GSDMC: variants seen among roughly 807,000 people sequenced by gnomAD.
The protein encoded by GSDMC is gasdermin C.
Under a neutral mutation model 58.0 loss-of-function variants are expected in GSDMC, and 59 were observed. That is an observed-to-expected ratio of 1.02 (90% confidence interval 0.82 to 1.26). GSDMC has a LOEUF of 1.26. Ranked by LOEUF, GSDMC falls within the 50% of genes most tolerant of loss-of-function variation. GSDMC has a pLI of 0.00. For missense variants in GSDMC, 659 were observed against 598.5 expected, an observed-to-expected ratio of 1.10 and a Z score of -1.06; for synonymous variants, 241 against 220.2, an observed-to-expected ratio of 1.09 and a Z score of -0.83.
the GSDMC span, among the ~76,000 whole-genome samples, chr8:129,712,561 G>A: frequency 8.5e-5 from 13 of 152,120 alleles, no homozygotes; most frequent in African/African-American, 2.6e-4. Context: ...ACCAAGACCC[G>A]AATCATTGGG....
the GSDMC span, among the ~76,000 whole-genome samples, chr8:129,733,380 AT>A: frequency 6.6e-6 from 1 of 152,198 alleles, no homozygotes; most frequent in African/African-American, 2.4e-5. Flanking sequence ...CCTGACCCCC[AT>A]GTAGCCTAAC....
intron 3 of GSDMC, among the ~76,000 whole-genome samples, chr8:129,775,276 C>A (rs561175840): frequency 6.8e-4 from 103 of 152,242 alleles, no homozygotes; most frequent in African/African-American, 2.3e-3. Flanking sequence ...CATGGATAAA[C>A]CTTGATGGCA....
intron 6 of GSDMC, among the ~76,000 whole-genome samples, chr8:129,759,170 T>C (rs1221702020): frequency 6.6e-6 from 1 of 152,270 alleles, no homozygotes; most frequent in Admixed American, 6.5e-5. Context: ...TCCAGGAGAA[T>C]AAAACTAGAC....
chr8:129,784,748 C>T (rs2034511051), intron 1 of GSDMC, among the ~76,000 whole-genome samples: 1 of 152,190 alleles, frequency 6.6e-6, no homozygotes, highest in African/African-American at 2.4e-5. Flanking sequence ...GCTGGGTGTA[C>T]ACCCAAAAGA....
chr8:129,751,627 A>T (rs2033196358), intron 9 of GSDMC, 59 bp from the exon 10 acceptor site: 1 of 1,538,404 alleles, frequency 6.5e-7, no homozygotes, highest in African/African-American at 1.4e-5. Context: ...TGCTTTTCAG[A>T]TGTTTTGGAG....
intron 1 of GSDMC, among the ~76,000 whole-genome samples, chr8:129,782,838 G>A (rs1278462611): frequency 2.6e-5 from 4 of 151,236 alleles, no homozygotes; most frequent in Non-Finnish European, 4.4e-5. Flanking sequence ...ACAAAGAGGG[G>A]ATACTTCCAA....
chr8:129,757,182 A>C (rs1289095154), intron 6 of GSDMC, among the ~76,000 whole-genome samples: 1 of 151,980 alleles, frequency 6.6e-6, no homozygotes, highest in Non-Finnish European at 1.5e-5. Flanking sequence ...AAAAAAATGG[A>C]GAGGACGCAA....
chr8:129,777,476 T>C lies in GSDMC; in HGVS notation c.112A>G (p.Ile38Val). 1 of 1,613,014 alleles carries C rather than the reference T, an allele frequency of 6.2e-7. No individual in the cohort carries two copies. The highest frequency in any genetic ancestry group is 8.5e-7 in the Non-Finnish European group (1 of 1,178,962). The change falls in exon 2 of 14, where the codon ATA (isoleucine) becomes GTA (valine). Residue 38 changes from isoleucine to valine, a missense_variant. Physicochemically the swap from Ile to Val is conservative, Grantham distance 29. Coordinates refer to ENST00000276708, the MANE Select transcript of GSDMC (RefSeq NM_031415.3). ...LSATKLRQFV[I>V]LRKKKDSRSS... ...CGAGAATCCTTCTTCTTTCGTAATA[T>C]AACAAACTGACGTAATTTGGTGGCA...
At chr8:129,718,273 C>T in the GSDMC span, among the ~76,000 whole-genome samples, 1 of 152,040 alleles carries the variant, frequency 6.6e-6, no homozygotes, top group Non-Finnish European at 1.5e-5. Flanking sequence ...GCAATCTATC[C>T]ATCTGACAAA....
At chr8:129,769,832 GA>G in intron 3 of GSDMC, among the ~76,000 whole-genome samples, 1 of 152,242 alleles carries the variant, frequency 6.6e-6, no homozygotes, top group East Asian at 1.9e-4. Flanking sequence ...GAGAGATAAA[GA>G]CTTTCCCAAA....
chr8:129,784,427 G>C (rs757279613), intron 1 of GSDMC, among the ~76,000 whole-genome samples: 1 of 151,858 alleles, frequency 6.6e-6, no homozygotes, highest in Admixed American at 6.6e-5. Flanking sequence ...TTAAAATATG[G>C]GCAAAAGAGT....
At chr8:129,779,196 C>T (rs1225180872) in intron 1 of GSDMC, among the ~76,000 whole-genome samples, 2 of 152,156 alleles carry the variant, frequency 1.3e-5, no homozygotes, top group African/African-American at 2.4e-5. Flanking sequence ...ATAGCAAAGA[C>T]ATGGAATAAA....
intron 6 of GSDMC, among the ~76,000 whole-genome samples, chr8:129,758,132 T>C (rs961190048): frequency 1.3e-5 from 2 of 152,232 alleles, no homozygotes; most frequent in Admixed American, 1.3e-4. Flanking sequence ...ATCATTTCAA[T>C]TGATGCTAAA....
intron 6 of GSDMC, among the ~76,000 whole-genome samples, chr8:129,759,060 G>C (rs1444472328): frequency 6.6e-6 from 1 of 151,976 alleles, no homozygotes; most frequent in Non-Finnish European, 1.5e-5. Context: ...ACAAATCTAT[G>C]TACCTACAGT....
intron 2 of GSDMC, 21 bp from the exon 3 acceptor site, chr8:129,776,306 C>G (rs1563812227): frequency 6.4e-7 from 1 of 1,565,676 alleles, no homozygotes; most frequent in East Asian, 2.3e-5. Context: ...AAAAGACGAC[C>G]ATAGGTTTAG....
intron 3 of GSDMC, among the ~76,000 whole-genome samples, chr8:129,766,730 A>C (rs1189859925): frequency 6.6e-6 from 1 of 151,586 alleles, no homozygotes; most frequent in Non-Finnish European, 1.5e-5. Flanking sequence ...TGGCAGCATC[A>C]CCCCTCCCCC....
At chr8:129,760,646 T>G in intron 5 of GSDMC, 57 bp from the exon 6 acceptor site, 1 of 984,674 alleles carries the variant, frequency 1.0e-6, no homozygotes, top group Non-Finnish European at 1.6e-6. Context: ...TGCCTGAACC[T>G]AGACCAGGGA....
chr8:129,759,724 A>G (rs1163103626), intron 6 of GSDMC, among the ~76,000 whole-genome samples: 1 of 152,206 alleles, frequency 6.6e-6, no homozygotes, highest in Non-Finnish European at 1.5e-5. Flanking sequence ...CATGCTGGGG[A>G]GGATGCAGAG....
chr8:129,725,473 C>T, the GSDMC span, among the ~76,000 whole-genome samples: 1 of 152,176 alleles, frequency 6.6e-6, no homozygotes, highest in Non-Finnish European at 1.5e-5. Flanking sequence ...TATCACCCCC[C>T]TCCAGAGCCA....
Sources: allele counts gnomAD v4.1 joint callset (sites outside exome capture counted in the v4.1 genomes callset), GRCh38; gene constraint gnomAD v4.1.1; transcripts MANE v1.5; gene names NCBI Gene and HGNC (gene_info 2026-07-23, HGNC 2026-07-21).